The following ENOX1 variants were observed in gnomAD, a reference collection of about 807,000 sequenced individuals.
ENOX1 encodes the protein ecto-NOX disulfide-thiol exchanger 1.
Under a neutral mutation model 82.5 loss-of-function variants are expected in ENOX1, and 42 were observed. The ratio of observed to expected loss-of-function variants is 0.51; its 90% CI spans 0.40 to 0.66. ENOX1 has a LOEUF of 0.66. Among genes scored for constraint, ENOX1 ranks in the 30% least tolerant of loss-of-function variants. The pLI is 0.00. For synonymous variants in ENOX1, 271 were observed against 282.2 expected (o/e 0.96, Z 0.40); for missense variants, 608 against 811.6 (o/e 0.75, Z 3.05).
At chr13:43,468,542 C>T (rs954907670) in intron 3 of ENOX1, among the ~76,000 whole-genome samples, 2 of 151,320 alleles carry the variant, frequency 1.3e-5, no homozygotes, top group Non-Finnish European at 2.9e-5. Context: ...GTAATCCTAG[C>T]TCTTAGGGAG....
At chr13:43,689,580 T>A (rs2086251044) in intron 1 of ENOX1, among the ~76,000 whole-genome samples, 1 of 152,218 alleles carries the variant, frequency 6.6e-6, no homozygotes, top group Non-Finnish European at 1.5e-5. Flanking sequence ...AAAGCCAGAT[T>A]TTCATTACCA....
intron 16 of ENOX1, among the ~76,000 whole-genome samples, chr13:43,218,905 T>C (rs2041635002): frequency 1.3e-5 from 2 of 152,246 alleles, no homozygotes; most frequent in Admixed American, 6.5e-5. Context: ...ACTTCAGTTC[T>C]GTTCTCTTCC....
chr13:43,324,070 C>T (rs891619245), intron 10 of ENOX1, among the ~76,000 whole-genome samples: 1 of 152,136 alleles, frequency 6.6e-6, no homozygotes, highest in African/African-American at 2.4e-5. Context: ...TTGATTATGC[C>T]ACCCAGAATA....
At chr13:43,615,382 T>C (rs955055459) in intron 2 of ENOX1, among the ~76,000 whole-genome samples, 1 of 152,104 alleles carries the variant, frequency 6.6e-6, no homozygotes, top group African/African-American at 2.4e-5. Context: ...GTGTGTCGCA[T>C]ACATTTCAAC....
At position 43,499,045 on chromosome 13, in the gene ENOX1, A is replaced by G. The variant is rs183543253; in HGVS notation, c.-218-14893T>C. Reference sequence around the variant, plus strand: ...TTTGATATTATGATAAATGTACTTTACCACTGTGGTATTTTTCCCTAATAT... The same window carrying G: ...TTTGATATTATGATAAATGTACTTTGCCACTGTGGTATTTTTCCCTAATAT... On this transcript the variant is annotated intron_variant, in intron 2 of 16. Coordinates refer to ENST00000690772, the MANE Select transcript of ENOX1 (RefSeq NM_001347969.2). 3.3e-5 allele frequency among the ~76,000 whole-genome samples: 5 copies of G among 152,240 alleles called. No individual in the cohort carries two copies. In the East Asian group the frequency reaches 9.7e-4, roughly 29 times the overall value.
chr13:43,393,371 T>C (rs1046161233), intron 5 of ENOX1, among the ~76,000 whole-genome samples: 3 of 152,228 alleles, frequency 2.0e-5, no homozygotes, highest in African/African-American at 4.8e-5. Context: ...AGTGTTCTAA[T>C]AAAATAGATT....
At chr13:43,652,307 G>A (rs1399224551) in intron 2 of ENOX1, among the ~76,000 whole-genome samples, 1 of 152,156 alleles carries the variant, frequency 6.6e-6, no homozygotes, top group East Asian at 1.9e-4. Context: ...CCTTGACCAG[G>A]CTTCACAATA....
intron 8 of ENOX1, among the ~76,000 whole-genome samples, chr13:43,354,510 A>G (rs913289085): frequency 9.5e-5 from 14 of 147,558 alleles, no homozygotes; most frequent in Non-Finnish European, 1.8e-4. Flanking sequence ...TCAACTTCCT[A>G]TCTTCCTAAA....
At chr13:43,308,690 C>T (rs2047008221) in intron 11 of ENOX1, among the ~76,000 whole-genome samples, 1 of 152,208 alleles carries the variant, frequency 6.6e-6, no homozygotes, top group Admixed American at 6.5e-5. Context: ...GTTTTAATAA[C>T]ACCGATGCCT....
intron 2 of ENOX1, among the ~76,000 whole-genome samples, chr13:43,645,783 A>C (rs2083871163): frequency 6.6e-6 from 1 of 152,166 alleles, no homozygotes; most frequent in African/African-American, 2.4e-5. Flanking sequence ...GTAAAATTTT[A>C]CATATTTAAA....
intron 12 of ENOX1, among the ~76,000 whole-genome samples, chr13:43,285,854 C>G (rs2045671106): frequency 1.5e-5 from 2 of 133,964 alleles, no homozygotes; most frequent in African/African-American, 5.4e-5. Flanking sequence ...CCCTCTTCTT[C>G]TTTCTTCTTT....
At chr13:43,739,403 G>T (rs1044022023) in intron 1 of ENOX1, among the ~76,000 whole-genome samples, 2 of 151,976 alleles carry the variant, frequency 1.3e-5, no homozygotes, top group Admixed American at 6.6e-5. Context: ...CAAAGAACTA[G>T]CCGGGCATGG....
chr13:43,759,484 C>T (rs1032998626), intron 1 of ENOX1, among the ~76,000 whole-genome samples: 3 of 152,136 alleles, frequency 2.0e-5, no homozygotes, highest in Non-Finnish European at 4.4e-5. Context: ...TAGAACTTAA[C>T]TCACTGAACT....
At chr13:43,615,136 G>A (rs144552710) in intron 2 of ENOX1, among the ~76,000 whole-genome samples, 33 of 152,202 alleles carry the variant, frequency 2.2e-4, no homozygotes, top group African/African-American at 7.7e-4. Context: ...TAAAATAAGA[G>A]GAATAAATAA....
chr13:43,760,568 G>A (rs983082007), intron 1 of ENOX1, among the ~76,000 whole-genome samples: 2 of 152,080 alleles, frequency 1.3e-5, no homozygotes, highest in African/African-American at 2.4e-5. Context: ...TTTAGGGCCC[G>A]TTGACTCCAT....
chr13:43,656,209 T>A (rs558740867), intron 2 of ENOX1, among the ~76,000 whole-genome samples: 63 of 152,352 alleles, frequency 4.1e-4, no homozygotes, highest in Admixed American at 1.0e-3. Flanking sequence ...TTTTAAATAT[T>A]TAATAGCCAT....
chr13:43,625,183 T>C (rs2082910608), intron 2 of ENOX1, among the ~76,000 whole-genome samples: 1 of 152,096 alleles, frequency 6.6e-6, no homozygotes, highest in Admixed American at 6.5e-5. Context: ...ATTGCCAGTA[T>C]ATCAAAATAC....
intron 1 of ENOX1, among the ~76,000 whole-genome samples, chr13:43,736,905 C>G (rs1432186377): frequency 1.3e-5 from 2 of 152,184 alleles, no homozygotes; most frequent in Non-Finnish European, 2.9e-5. Flanking sequence ...TCCCCCATCT[C>G]TCCCTCTAAA....
chr13:43,385,651 T>C (rs79415501), intron 5 of ENOX1, among the ~76,000 whole-genome samples: 1 of 152,174 alleles, frequency 6.6e-6, no homozygotes, highest in South Asian at 2.1e-4. Flanking sequence ...AATTTTGCCA[T>C]TTTTTCTTCA....
Sources: allele counts gnomAD v4.1 joint callset (sites outside exome capture counted in the v4.1 genomes callset), GRCh38; gene constraint gnomAD v4.1.1; transcripts MANE v1.5; gene names NCBI Gene and HGNC (gene_info 2026-07-23, HGNC 2026-07-21).